Variants in GRIK2 observed in about 807,000 individuals in gnomAD.
GRIK2 encodes glutamate ionotropic receptor kainate type subunit 2.
In GRIK2, 32 loss-of-function variants were observed where a neutral mutation model predicts 100.3. That is an observed-to-expected ratio of 0.32 (90% CI 0.24 to 0.43). GRIK2 has a LOEUF of 0.43. GRIK2 is among the 20% of genes least tolerant of loss of function. The probability of loss-of-function intolerance (pLI) is 1.00; values close to 1 mark genes in which losing one functional copy is unlikely to be tolerated. For synonymous variants in GRIK2, 417 were observed against 389.4 expected (o/e 1.07, Z -0.83); for missense variants, 843 against 1,114.9 (o/e 0.76, Z 3.47).
At chr6:101,859,834 A>G (rs568506088) in intron 11 of GRIK2, among the ~76,000 whole-genome samples, 33 of 152,278 alleles carry the variant, frequency 2.2e-4, no homozygotes, top group African/African-American at 7.9e-4. Flanking sequence ...CTTTTAAAGG[A>G]GTTATATACA....
chr6:101,550,257 A>G (rs972377693), intron 2 of GRIK2, among the ~76,000 whole-genome samples: 8 of 152,104 alleles, frequency 5.3e-5, no homozygotes, highest in African/African-American at 1.4e-4. Flanking sequence ...AACTACATTC[A>G]TTGATATCTT....
At chr6:101,760,688 A>ATATAATTATATATAATTATATATTTAAT (rs1562364771) in intron 7 of GRIK2, among the ~76,000 whole-genome samples, 9 of 70,326 alleles carry the variant, frequency 1.3e-4, no homozygotes, top group Non-Finnish European at 2.0e-4. Flanking sequence ...ATTTAATTAT[A>ATATAATTATATATAATTATATATTTAAT]TATAATTATA....
intron 2 of GRIK2, among the ~76,000 whole-genome samples, chr6:101,481,118 G>A (rs981113351): frequency 6.6e-6 from 1 of 152,176 alleles, no homozygotes; most frequent in Non-Finnish European, 1.5e-5. Flanking sequence ...GTGACACACT[G>A]ACATTGATTT....
Position 101,617,115 on chromosome 6 carries a change from CAA to C in GRIK2, c.116-4832_116-4831del, listed in dbSNP as rs1234847505. ...CCTTTATTTTTACTGCTTGTGTTTT[CAA>C]ACTTAGAAAGGCCTTAGCACTTTCA... is the stretch of plus-strand genomic sequence containing the variant. On this transcript the variant is annotated intron_variant, in intron 2 of 16. Coordinates refer to ENST00000369134, the MANE Select transcript of GRIK2 (RefSeq NM_021956.5). Among the ~76,000 whole-genome samples the C allele has an allele frequency of 9.9e-5, 15 of 151,462 alleles. No individual in the cohort carries two copies. The Admixed American group carries it at 9.9e-4, about 10-fold the overall frequency.
intron 2 of GRIK2, among the ~76,000 whole-genome samples, chr6:101,590,856 T>G (rs192144732): frequency 6.6e-6 from 1 of 152,182 alleles, no homozygotes; most frequent in East Asian, 1.9e-4. Context: ...AGTTAATAAC[T>G]CTCTTTACAT....
chr6:102,004,535 C>CTTAA (rs954681072), intron 14 of GRIK2, among the ~76,000 whole-genome samples: 2 of 151,864 alleles, frequency 1.3e-5, no homozygotes, highest in African/African-American at 4.8e-5. Flanking sequence ...TTAAGGCCTG[C>CTTAA]TTAATTCTAA....
intron 14 of GRIK2, among the ~76,000 whole-genome samples, chr6:101,934,276 C>A (rs1790481592): frequency 6.6e-6 from 1 of 151,856 alleles, no homozygotes; most frequent in Non-Finnish European, 1.5e-5. Context: ...GTGTATTGAT[C>A]ATTTTGGCTC....
chr6:101,441,637 T>G (rs1770067799), intron 2 of GRIK2, among the ~76,000 whole-genome samples: 1 of 152,116 alleles, frequency 6.6e-6, no homozygotes. Context: ...CATTTTTTTC[T>G]TTTCAACTGT....
intron 2 of GRIK2, among the ~76,000 whole-genome samples, chr6:101,476,957 A>G (rs572007346): frequency 3.9e-5 from 6 of 152,312 alleles, no homozygotes; most frequent in Non-Finnish European, 7.4e-5. Flanking sequence ...AGTCTTAAGC[A>G]ATGGTTTACC....
At chr6:101,558,530 C>T (rs995696151) in intron 2 of GRIK2, among the ~76,000 whole-genome samples, 4 of 151,846 alleles carry the variant, frequency 2.6e-5, no homozygotes, top group Admixed American at 6.6e-5. Flanking sequence ...ACAAGTACAG[C>T]GTGTTTTGGA....
rs147188857 is a variant in GRIK2 at position 101,457,169 on chromosome 6, A to G, written c.115+57777A>G. 7.9e-3 allele frequency among the ~76,000 whole-genome samples: 1,206 copies of G among 152,262 alleles called. 10 individuals carry two copies. The highest frequency in any genetic ancestry group is 0.025 in the South Asian group (120 of 4,826). Reference sequence around the variant, plus strand: ...TAACTGTCAGTAATCAAGCCATTGCATAGGAATTTATGAACAAATTCAGTG... The same window carrying G: ...TAACTGTCAGTAATCAAGCCATTGCGTAGGAATTTATGAACAAATTCAGTG... On this transcript the variant is annotated intron_variant, in intron 2 of 16. Coordinates refer to ENST00000369134, the MANE Select transcript of GRIK2 (RefSeq NM_021956.5).
At chr6:102,055,955 T>C (rs1352774982) in intron 16 of GRIK2, among the ~76,000 whole-genome samples, 1 of 151,822 alleles carries the variant, frequency 6.6e-6, no homozygotes, top group African/African-American at 2.4e-5. Flanking sequence ...GAAAAAATAC[T>C]CTGCAGATTA....
chr6:101,426,547 C>T (rs1301071046), intron 2 of GRIK2, among the ~76,000 whole-genome samples: 1 of 151,986 alleles, frequency 6.6e-6, no homozygotes, highest in Non-Finnish European at 1.5e-5. Flanking sequence ...ACATGTACGC[C>T]ATAAACATAT....
At chr6:101,714,281 G>T (rs1773913969) in intron 7 of GRIK2, among the ~76,000 whole-genome samples, 2 of 151,612 alleles carry the variant, frequency 1.3e-5, no homozygotes, top group South Asian at 4.1e-4. Context: ...AATGAGTTAA[G>T]TCTTACAATA....
chr6:101,780,485 G>A (rs990016050), intron 7 of GRIK2, among the ~76,000 whole-genome samples: 1 of 152,012 alleles, frequency 6.6e-6, no homozygotes, highest in Non-Finnish European at 1.5e-5. Context: ...TAGAACATAC[G>A]GTCTTTGTGA....
chr6:101,678,920 A>G (rs1452082389), intron 5 of GRIK2, among the ~76,000 whole-genome samples: 1 of 152,216 alleles, frequency 6.6e-6, no homozygotes, highest in Non-Finnish European at 1.5e-5. Flanking sequence ...TTCCTGCTAG[A>G]AAGCTTTAAA....
intron 2 of GRIK2, among the ~76,000 whole-genome samples, chr6:101,574,998 T>C (rs1228551569): frequency 6.6e-6 from 1 of 151,872 alleles, no homozygotes; most frequent in Admixed American, 6.6e-5. Context: ...AATGCAAATA[T>C]GTTGCACCTA....
In GRIK2 at chr6:101,488,739, C is replaced by A. The variant is rs1562173743; in HGVS notation, c.115+89347C>A. On this transcript the variant is annotated intron_variant, in intron 2 of 16. Coordinates refer to ENST00000369134, the MANE Select transcript of GRIK2 (RefSeq NM_021956.5). ...AGGTTCTCATATTCACAAATAAACA[C>A]TTTTTTTAATGCTTCTATTTAATTT... 2.1e-5 allele frequency among the ~76,000 whole-genome samples: 3 copies of A among 146,192 alleles called. 1 individual carries two copies. The highest frequency in any genetic ancestry group is 3.9e-4 in the East Asian group (2 of 5,142).
chr6:101,560,298 G>A (rs564135178), intron 2 of GRIK2, among the ~76,000 whole-genome samples: 1 of 152,140 alleles, frequency 6.6e-6, no homozygotes, highest in East Asian at 1.9e-4. Flanking sequence ...TATAACATAT[G>A]ATAAGAATTG....
Sources: allele counts gnomAD v4.1 joint callset (sites outside exome capture counted in the v4.1 genomes callset), GRCh38; gene constraint gnomAD v4.1.1; transcripts MANE v1.5; gene names NCBI Gene and HGNC (gene_info 2026-07-23, HGNC 2026-07-21).